CIITA: variants seen among roughly 807,000 people sequenced by gnomAD.
CIITA encodes the protein MHC class II transactivator.
Under a neutral mutation model 115.1 loss-of-function variants are expected in CIITA, and 72 were observed. The ratio of observed to expected loss-of-function variants is 0.63; its 90% CI spans 0.52 to 0.76. CIITA has a LOEUF of 0.76. Ranked by LOEUF, CIITA falls within the 30% of genes least tolerant of loss-of-function variation. The probability of loss-of-function intolerance (pLI) is 0.00; values close to 1 mark genes in which losing one functional copy is unlikely to be tolerated. For synonymous variants in CIITA, 763 were observed against 635.6 expected, an observed-to-expected ratio of 1.20 and a Z score of -3.02; for missense variants, 1,617 against 1,463.8, an observed-to-expected ratio of 1.10 and a Z score of -1.71.
intron 8 of CIITA, 58 bp from the exon 9 acceptor site, chr16:10,903,673 G>A: frequency 6.3e-7 from 1 of 1,595,882 alleles, no homozygotes; most frequent in East Asian, 2.2e-5. Context: ...GGTGACCCAA[G>A]TGCATTTCTG....
chr16:10,940,040 C>G (rs1282273997), downstream of CIITA: 2 of 152,260 alleles, frequency 1.3e-5, no homozygotes, highest in African/African-American at 4.8e-5. The surrounding 1 kb of genome is among the most constrained non-coding windows in gnomAD (Gnocchi z 4.2). Flanking sequence ...TTGGTTCTCG[C>G]TAAGATGTTA....
intron 1 of CIITA, among the ~76,000 whole-genome samples, chr16:10,886,695 C>A (rs1262384143): frequency 6.6e-6 from 1 of 152,210 alleles, no homozygotes; most frequent in Non-Finnish European, 1.5e-5. Flanking sequence ...GAGTTTACAT[C>A]TTAGTACCAC....
chr16:10,894,062 G>C (rs763521511), intron 1 of CIITA, among the ~76,000 whole-genome samples: 3 of 152,018 alleles, frequency 2.0e-5, no homozygotes, highest in Non-Finnish European at 4.4e-5. Flanking sequence ...ATGTTGCCCA[G>C]GCTGGTCTTG....
chr16:10,906,909 G>A lies in CIITA; in HGVS notation c.1417G>A (p.Gly473Ser). The change falls in exon 11 of 20, where the codon GGC becomes AGC. Residue 473 changes from glycine to serine, a missense_variant. Coordinates refer to ENST00000324288, the MANE Select transcript of CIITA (RefSeq NM_000246.4). Reference sequence around the variant, plus strand: ...CCTGCAGGATCTGCTCTTCTCCCTGGGCCCACAGCCACTCGTGGCGGCCGA... The same window carrying A: ...CCTGCAGGATCTGCTCTTCTCCCTGAGCCCACAGCCACTCGTGGCGGCCGA... The part of the protein sequence containing the change: ...YGLQDLLFSL[G>S]PQPLVAADEV... 6.2e-7 allele frequency: 1 copy of A among 1,613,438 alleles called. No individual in the cohort carries two copies. Among genetic ancestry groups the A allele is most frequent in the Non-Finnish European group, 8.5e-7 (1 of 1,180,018 alleles).
At chr16:10,908,763 T>C in intron 11 of CIITA, 1 of 600,664 alleles carries the variant, frequency 1.7e-6, no homozygotes, top group East Asian at 2.8e-5. Context: ...TTACCCAAGC[T>C]GTAAGGTCCT....
intron 1 of CIITA, among the ~76,000 whole-genome samples, chr16:10,871,726 G>C (rs2143266349): frequency 6.6e-6 from 1 of 152,290 alleles, no homozygotes; most frequent in South Asian, 2.1e-4. Flanking sequence ...CTGAGAACCA[G>C]CCCCTGTTCT....
chr16:10,881,478 A>G (rs182363007), intron 1 of CIITA, among the ~76,000 whole-genome samples: 1 of 152,308 alleles, frequency 6.6e-6, no homozygotes, highest in Admixed American at 6.5e-5. Flanking sequence ...ATCAAGGACA[A>G]AGTCTCTGAT....
chr16:10,930,264 G>A lies in CIITA; in HGVS notation c.*6409G>A, dbSNP rs994645206. 6 of 152,170 alleles carry A rather than the reference G, an allele frequency of 3.9e-5. No homozygotes were observed. The highest frequency in any genetic ancestry group is 1.4e-4 in the African/African-American group (6 of 41,404). The allele number at this position is 152,170 out of a possible 1,614,324, so 9.4% of individuals were successfully genotyped here. On this transcript the variant is annotated 3_prime_UTR_variant, in exon 20 of 20. Transcript: ENST00000324288. ...TTCCGCAAACTTCACTGAACATCTC[G>A]CAGAACTTGTATGTTAAACATGTGA... is the stretch of plus-strand genomic sequence containing the variant.
chr16:10,910,203 G>T lies in CIITA; in HGVS notation c.2832G>T (p.Ser944=), dbSNP rs766538754. 1.9e-6 allele frequency: 3 copies of T among 1,614,030 alleles called. No individual in the cohort carries two copies. The highest frequency in any genetic ancestry group is 2.5e-6 in the Non-Finnish European group (3 of 1,179,980). ...LVQTQRTRSS[S]EDTAGELPAV... is the part of the protein sequence containing the mutation. ...TTCTCTCCAGGACGAGAAGTTCCTC[G>T]GAAGACACAGCTGGGGAGCTCCCTG... is the stretch of plus-strand genomic sequence containing the variant. The change falls in exon 13 of 20, where the codon TCG becomes TCT. Residue 944 remains serine, a synonymous_variant. Coordinates refer to ENST00000324288, the MANE Select transcript of CIITA (RefSeq NM_000246.4).
rs778186937 is a variant in CIITA at position 10,898,653 on chromosome 16, T to C, written c.296-17T>C. ...TTAGACCTTGTTGATTGACTGCGCT[T>C]TTCCTTGTCTGGGCAGCGGAACTGG... is the stretch of plus-strand genomic sequence containing the variant. On this transcript the variant is annotated splice_polypyrimidine_tract_variant and intron_variant, in intron 3 of 19. Transcript: ENST00000324288. 1 of 1,603,544 alleles carries C rather than the reference T, an allele frequency of 6.2e-7. No individual in the cohort carries two copies. Among genetic ancestry groups the C allele is most frequent in the South Asian group, 1.1e-5 (1 of 89,266 alleles).
downstream of CIITA, chr16:10,941,044 G>C (rs2041095995): frequency 6.6e-6 from 1 of 152,292 alleles, no homozygotes; most frequent in Non-Finnish European, 1.5e-5. This position sits in a 1 kb window ranked among gnomAD's most constrained non-coding sequence, Gnocchi z 6.4. Flanking sequence ...GGGCTTCTTT[G>C]CTTGCGATTT....
chr16:10,910,363 T>C (rs1462858476), intron 13 of CIITA, 104 bp downstream of exon 13: 2 of 1,004,426 alleles, frequency 2.0e-6, no homozygotes, highest in Non-Finnish European at 3.1e-6. Context: ...AGAATCATTC[T>C]TACCCTCTTG....
chr16:10,893,488 C>T (rs1176561776), intron 1 of CIITA, among the ~76,000 whole-genome samples: 1 of 152,122 alleles, frequency 6.6e-6, no homozygotes, highest in Admixed American at 6.5e-5. Context: ...GTTTTAACAG[C>T]TTTATTGAGA....
Position 10,929,424 on chromosome 16 carries a change from G to C in CIITA, c.*5569G>C, listed in dbSNP as rs921222097. The stretch of plus-strand genomic sequence containing the variant: ...GACACTGCAGGCAGATGAGGTCTTG[G>C]GATGCCTCTTGCGTTCCCCCTTCTG... On this transcript the variant is annotated 3_prime_UTR_variant, in exon 20 of 20. Transcript: ENST00000324288. The surrounding 1 kb of genome is among the most constrained non-coding windows in gnomAD (Gnocchi z 4.3). 2 of 985,854 alleles carry C rather than the reference G, an allele frequency of 2.0e-6. No individual in the cohort carries two copies. The highest frequency in any genetic ancestry group is 1.7e-5 in the African/African-American group (1 of 57,354). 61.1% of individuals were successfully genotyped at this position (985,854 alleles called of 1,614,324 possible).
intron 1 of CIITA, among the ~76,000 whole-genome samples, chr16:10,891,422 G>C (rs1235236003): frequency 1.3e-5 from 2 of 152,160 alleles, no homozygotes; most frequent in Non-Finnish European, 2.9e-5. Context: ...CCAATGCCCT[G>C]TGAGAAAACT....
Position 10,918,536 on chromosome 16 carries a change from G to A in CIITA, c.3149+10G>A. ...CCCTGCTCAGGCTAAGGTGAGTGGGGCCCCGGATACCGGTCAGGTGCTGAG... is the reference window on the plus strand; with the variant it reads ...CCCTGCTCAGGCTAAGGTGAGTGGGACCCCGGATACCGGTCAGGTGCTGAG... On this transcript the variant is annotated intron_variant, in intron 16 of 19. Coordinates refer to ENST00000324288, the MANE Select transcript of CIITA (RefSeq NM_000246.4). 1 of 1,613,550 alleles carries A rather than the reference G, an allele frequency of 6.2e-7. No individual in the cohort carries two copies. The highest frequency in any genetic ancestry group is 8.5e-7 in the Non-Finnish European group (1 of 1,179,776).
At chr16:10,902,857 G>A (rs1393055590) in intron 8 of CIITA, 56 bp downstream of exon 8, 1 of 1,601,840 alleles carries the variant, frequency 6.2e-7, no homozygotes, top group African/African-American at 1.3e-5. Flanking sequence ...ACTGCTCCCT[G>A]ACCTCATCCT....
intron 12 of CIITA, among the ~76,000 whole-genome samples, chr16:10,909,579 A>G (rs2039416846): frequency 6.6e-6 from 1 of 152,244 alleles, no homozygotes; most frequent in Non-Finnish European, 1.5e-5. Flanking sequence ...GAAGGCAGAC[A>G]AAACTTGATT....
In CIITA at chr16:10,895,779, G is replaced by A. The variant is rs1229502385; in HGVS notation, c.295+15G>A. ...TGCCAATATCGGTGAGGAAGCACCT[G>A]AGCCCAGAAAAGGACAATCAAGGGC... is the stretch of plus-strand genomic sequence containing the variant. On this transcript the variant is annotated intron_variant, in intron 3 of 19. Transcript: ENST00000324288. The A allele has an allele frequency of 1.2e-6, 2 of 1,613,154 alleles. No homozygotes were observed. Among genetic ancestry groups the A allele is most frequent in the African/African-American group, 1.3e-5 (1 of 74,884 alleles).
Sources: gnomAD v4.1 joint callset for allele counts (sites outside exome capture counted in the v4.1 genomes callset) on GRCh38, gnomAD v4.1.1 for gene constraint, Gnocchi (gnomAD v3.1) non-coding constraint, MANE v1.5 for transcripts, NCBI Gene and HGNC (gene_info 2026-07-23, HGNC 2026-07-21) for gene names.